The following NSUN2 variants were observed in gnomAD, a reference collection of about 807,000 sequenced individuals.
The protein encoded by NSUN2 is NOP2/Sun RNA methyltransferase 2, also known as RNA cytosine C(5)-methyltransferase NSUN2.
A neutral mutation model predicts 92.7 loss-of-function variants in NSUN2; 63 were observed. That is an observed-to-expected ratio of 0.68 (90% CI 0.56 to 0.84). The LOEUF (loss-of-function observed/expected upper bound fraction) is 0.84, where lower values mean the gene tolerates loss of function less well. NSUN2 is among the 40% of genes least tolerant of loss of function. The pLI, the probability that NSUN2 is intolerant of heterozygous loss-of-function variation, is 0.00. For synonymous variants in NSUN2, 356 were observed against 348.3 expected (o/e 1.02, Z -0.25); for missense variants, 989 against 964.9 (o/e 1.02, Z -0.33).
In NSUN2 at chr5:6,633,014, CG is replaced by C. The variant is rs1368231359; in HGVS notation, c.-36del. Reference sequence around the variant, plus strand: ...GGCCGCGCACGCAGCACGCAGAAACCGGCCCGCCACGGCCAGAACTCTAGCC... The same window carrying C: ...GGCCGCGCACGCAGCACGCAGAAACCGCCCGCCACGGCCAGAACTCTAGCC... On this transcript the variant is annotated 5_prime_UTR_variant, in exon 1 of 19. Coordinates refer to ENST00000264670, the MANE Select transcript of NSUN2 (RefSeq NM_017755.6). The C allele has an allele frequency of 7.1e-7, 1 of 1,412,648 alleles. No homozygotes were observed. Among genetic ancestry groups the C allele is most frequent in the East Asian group, 2.9e-5 (1 of 34,438 alleles). The allele number at this position is 1,412,648 out of a possible 1,614,324, so 87.5% of individuals were successfully genotyped here. A position where few individuals can be genotyped will look rare whatever the true frequency, so the allele number is the denominator to read the frequency against.
Position 6,633,044 on chromosome 5 carries a change from C to T in NSUN2, c.-65G>A. On this transcript the variant is annotated 5_prime_UTR_variant, in exon 1 of 19. Coordinates refer to ENST00000264670, the MANE Select transcript of NSUN2 (RefSeq NM_017755.6). Reference sequence around the variant, plus strand: ...CGCCACGGCCAGAACTCTAGCCCTACACCTCCCGGGACTTCCGGCCGGAAA... The same window carrying T: ...CGCCACGGCCAGAACTCTAGCCCTATACCTCCCGGGACTTCCGGCCGGAAA... 7.3e-7 allele frequency: 1 copy of T among 1,366,670 alleles called. No homozygotes were observed. Among genetic ancestry groups the T allele is most frequent in the Non-Finnish European group, 9.4e-7 (1 of 1,062,076 alleles). The allele number at this position is 1,366,670 out of a possible 1,614,324, so 84.7% of individuals were successfully genotyped here. A position where few individuals can be genotyped will look rare whatever the true frequency, so the allele number is the denominator to read the frequency against.
At chr5:6,623,319 G>GGAA in intron 4 of NSUN2, 34 bp from the exon 5 acceptor site, 1 of 1,246,704 alleles carries the variant, frequency 8.0e-7, no homozygotes, top group Non-Finnish European at 1.1e-6. Context: ...CAACAATTAG[G>GGAA]AAAAAAAAAA....
chr5:6,623,411 C>T (rs1737540232), intron 4 of NSUN2, 126 bp from the exon 5 acceptor site: 4 of 720,468 alleles, frequency 5.6e-6, no homozygotes, highest in South Asian at 2.0e-5. Context: ...AATGAGAGAA[C>T]TCATACTATC....
At chr5:6,618,952 C>T (rs1273765832) in intron 7 of NSUN2, among the ~76,000 whole-genome samples, 1 of 152,322 alleles carries the variant, frequency 6.6e-6, no homozygotes, top group Non-Finnish European at 1.5e-5. Context: ...GTAATCCCCA[C>T]TTTGCAATGG....
At chr5:6,626,677 C>T (rs1006848098) in intron 3 of NSUN2, among the ~76,000 whole-genome samples, 1 of 152,176 alleles carries the variant, frequency 6.6e-6, no homozygotes, top group Non-Finnish European at 1.5e-5. Context: ...TTGGCCTGCA[C>T]CTATACAGGC....
At chr5:6,632,089 G>C (rs1447115085) in intron 2 of NSUN2, 112 bp from the exon 3 acceptor site, 2 of 787,352 alleles carry the variant, frequency 2.5e-6, no homozygotes, top group Non-Finnish European at 4.1e-6. Flanking sequence ...CTTTTGCATG[G>C]AGAGTAAACA....
chr5:6,617,789 A>G (rs1000935098), intron 8 of NSUN2, among the ~76,000 whole-genome samples, 161 bp downstream of exon 8: 1 of 152,252 alleles, frequency 6.6e-6, no homozygotes, highest in African/African-American at 2.4e-5. Flanking sequence ...TGCTCTTGAA[A>G]GGTTTTCAAA....
At chr5:6,604,708 A>AAAC (rs1433104762) in intron 15 of NSUN2, 23 bp from the exon 16 acceptor site, 1 of 1,587,044 alleles carries the variant, frequency 6.3e-7, no homozygotes, top group Non-Finnish European at 8.7e-7. Context: ...AAATAAGATG[A>AAAC]AACACAGAGA....
At chr5:6,611,206 T>C (rs1274627653) in intron 10 of NSUN2, 121 bp from the exon 11 acceptor site, 31 of 1,081,740 alleles carry the variant, frequency 2.9e-5, no homozygotes, top group Non-Finnish European at 3.8e-5. Context: ...ACTCCAAAGA[T>C]AGGAAGATTA....
chr5:6,607,146 A>G (rs1400995545), intron 13 of NSUN2, 54 bp downstream of exon 13: 25 of 1,572,518 alleles, frequency 1.6e-5, no homozygotes, highest in Non-Finnish European at 2.2e-5. Context: ...ATTTAATCCA[A>G]AAGGACTGTG....
At chr5:6,623,347 A>C (rs1243061198) in intron 4 of NSUN2, 62 bp from the exon 5 acceptor site, 3 of 1,432,848 alleles carry the variant, frequency 2.1e-6, no homozygotes, top group East Asian at 2.3e-5. Flanking sequence ...AGACAATTTC[A>C]ATCTTTGGCA....
At chr5:6,625,723 T>TCAAC in intron 3 of NSUN2, 54 bp from the exon 4 acceptor site, 1 of 1,290,222 alleles carries the variant, frequency 7.8e-7, no homozygotes, top group Non-Finnish European at 1.1e-6. Context: ...AAGTCGTCTG[T>TCAAC]TGACAACTTT....
chr5:6,603,306 G>A (rs916650549), intron 17 of NSUN2, among the ~76,000 whole-genome samples: 1 of 152,226 alleles, frequency 6.6e-6, no homozygotes, highest in Non-Finnish European at 1.5e-5. Context: ...TAGCAGAAAA[G>A]TCAGAACTGC....
intron 12 of NSUN2, among the ~76,000 whole-genome samples, chr5:6,609,430 C>A (rs1176322337): frequency 1.3e-5 from 2 of 152,270 alleles, no homozygotes; most frequent in South Asian, 4.1e-4. Flanking sequence ...AAGGTGAACC[C>A]GGGCTGGCTT....
At chr5:6,616,025 A>G (rs1737193700) in intron 9 of NSUN2, among the ~76,000 whole-genome samples, 1 of 152,216 alleles carries the variant, frequency 6.6e-6, no homozygotes, top group Non-Finnish European at 1.5e-5. Flanking sequence ...GAGAAATTGG[A>G]ACCCTTGTGC....
intron 9 of NSUN2, among the ~76,000 whole-genome samples, chr5:6,615,070 T>C (rs1009264638): frequency 6.6e-6 from 1 of 152,012 alleles, no homozygotes; most frequent in South Asian, 2.1e-4. Flanking sequence ...CAGCACAAGA[T>C]GGGGCTGTGA....
At chr5:6,629,311 G>A (rs571359213) in intron 3 of NSUN2, among the ~76,000 whole-genome samples, 1 of 152,246 alleles carries the variant, frequency 6.6e-6, no homozygotes, top group East Asian at 1.9e-4. Context: ...ATGTTAAAAG[G>A]GCTGATCAAA....
intron 3 of NSUN2, among the ~76,000 whole-genome samples, chr5:6,629,003 T>C (rs1214027698): frequency 6.6e-6 from 1 of 152,178 alleles, no homozygotes; most frequent in Non-Finnish European, 1.5e-5. Context: ...CGTCATGACA[T>C]CACTGCACTC....
Position 6,609,848 on chromosome 5 carries a change from G to C in NSUN2, c.1301C>G (p.Pro434Arg). 1.2e-6 allele frequency: 2 copies of C among 1,613,384 alleles called. No homozygotes were observed. Reference protein sequence around the residue: ...VAVLVKKSSMPWNKRQPKLQG... With the variant: ...VAVLVKKSSMRWNKRQPKLQG... ...CACCTTTGGCTGACGTTTATTCCAC[G>C]GCATTGAAGATTTTTTCACCAATAC... Residue 434 changes from proline (P) to arginine (R), a missense_variant, in exon 12 of 19, where the codon CCG becomes CGG. Physicochemically the swap from Pro to Arg is moderately radical, Grantham distance 103. Transcript: ENST00000264670.
Sources: allele counts gnomAD v4.1 joint callset (sites outside exome capture counted in the v4.1 genomes callset), GRCh38; gene constraint gnomAD v4.1.1; transcripts MANE v1.5; gene names NCBI Gene and HGNC (gene_info 2026-07-23, HGNC 2026-07-21).